The following NAA35 variants were observed in gnomAD, a reference collection of about 807,000 sequenced individuals.
NAA35 encodes the protein N-alpha-acetyltransferase 35, NatC auxiliary subunit.
Under a neutral mutation model 101.7 loss-of-function variants are expected in NAA35, and 18 were observed. The ratio of observed to expected loss-of-function variants is 0.18; its 90% CI spans 0.12 to 0.26. NAA35 has a LOEUF of 0.26. NAA35 is among the 10% of genes least tolerant of loss of function. The pLI, the probability that NAA35 is intolerant of heterozygous loss-of-function variation, is 1.00. For missense variants in NAA35, 601 were observed against 886.8 expected (o/e 0.68, Z 4.09); for synonymous variants, 267 against 273.1 (o/e 0.98, Z 0.22).
chr9:86,009,013 G>A (rs1831775780), intron 14 of NAA35, among the ~76,000 whole-genome samples: 3 of 152,048 alleles, frequency 2.0e-5, no homozygotes, highest in Non-Finnish European at 4.4e-5. Flanking sequence ...GTCTTCTAGA[G>A]CTCTCTTACC....
intron 2 of NAA35, among the ~76,000 whole-genome samples, chr9:85,944,373 C>G (rs1340224627): frequency 1.3e-5 from 2 of 152,218 alleles, no homozygotes; most frequent in Non-Finnish European, 1.5e-5. Context: ...AGAAGTTTCT[C>G]TACCAGCATA....
chr9:86,018,516 G>C, intron 20 of NAA35, 121 bp downstream of exon 20: 3 of 1,324,266 alleles, frequency 2.3e-6, no homozygotes, highest in Non-Finnish European at 3.1e-6. Flanking sequence ...AATAATATGA[G>C]GTAGCATATG....
intron 2 of NAA35, among the ~76,000 whole-genome samples, chr9:85,953,072 G>C (rs1829087466): frequency 6.6e-6 from 1 of 152,116 alleles, no homozygotes; most frequent in African/African-American, 2.4e-5. Flanking sequence ...AATTAGCCGG[G>C]CATGGTGGTT....
chr9:86,004,138 C>A (rs1231868039), intron 13 of NAA35, among the ~76,000 whole-genome samples: 1 of 152,084 alleles, frequency 6.6e-6, no homozygotes, highest in Non-Finnish European at 1.5e-5. Context: ...GATAATCTCA[C>A]TCGTTGCCCA....
intron 12 of NAA35, among the ~76,000 whole-genome samples, chr9:86,001,965 G>C (rs939778152): frequency 3.9e-5 from 6 of 152,122 alleles, no homozygotes; most frequent in African/African-American, 1.4e-4. Context: ...AGTGACACTA[G>C]TCTGTGTGTT....
rs572898429 is a variant in NAA35 at position 86,024,197 on chromosome 9, A to C, written c.*2237A>C. ...AATATGCTGTATGCTGGGTAGGAGAACTGCCCCACGTGAAACTTTAGGTGA... is the reference window on the plus strand; with the variant it reads ...AATATGCTGTATGCTGGGTAGGAGACCTGCCCCACGTGAAACTTTAGGTGA... On this transcript the variant is annotated 3_prime_UTR_variant, in exon 23 of 23. Coordinates refer to ENST00000361671, the MANE Select transcript of NAA35 (RefSeq NM_024635.4). Among the ~76,000 whole-genome samples the C allele has an allele frequency of 2.0e-5, 3 of 152,334 alleles. No individual in the cohort carries two copies. Among genetic ancestry groups the C allele is most frequent in the Non-Finnish European group, 4.4e-5 (3 of 68,030 alleles).
intron 12 of NAA35, among the ~76,000 whole-genome samples, chr9:85,996,797 A>G (rs1831180596): frequency 6.6e-6 from 1 of 152,218 alleles, no homozygotes; most frequent in African/African-American, 2.4e-5. Flanking sequence ...TTAATCCTCA[A>G]AAGCTTTTAC....
chr9:86,016,826 A>G lies in NAA35; in HGVS notation c.1705+151A>G, dbSNP rs187380236. 9.3e-4 allele frequency: 659 copies of G among 709,340 alleles called. 4 individuals are homozygous for G. Among genetic ancestry groups the G allele is most frequent in the African/African-American group, 4.2e-3 (232 of 55,778 alleles). The allele number at this position is 709,340 out of a possible 1,614,324, so 43.9% of individuals were successfully genotyped here. On this transcript the variant is annotated intron_variant, in intron 18 of 22. Coordinates refer to ENST00000361671, the MANE Select transcript of NAA35 (RefSeq NM_024635.4). ...AGGTAGAGACTGAGTCCCAGTATCA[A>G]TGACATAAGCTTTTTGGTTCCTTTC... is the stretch of plus-strand genomic sequence containing the variant.
chr9:85,974,882 G>T, intron 6 of NAA35, 85 bp from the exon 7 acceptor site: 1 of 914,022 alleles, frequency 1.1e-6, no homozygotes, highest in South Asian at 1.5e-5. Flanking sequence ...GATTTTGTAA[G>T]AGAAATATAA....
At chr9:85,988,778 A>G (rs1321096923) in intron 11 of NAA35, among the ~76,000 whole-genome samples, 1 of 152,046 alleles carries the variant, frequency 6.6e-6, no homozygotes, top group Non-Finnish European at 1.5e-5. Context: ...TCTGGGCAAC[A>G]AGAGTGAAAC....
In NAA35 at chr9:86,024,815, A is replaced by G. The variant is rs182023415; in HGVS notation, c.*2855A>G. ...TGAAGATGGCAGGTAGTTTGGTCTCAAACTGGGAGGTGCCATCTGGGGTGG... is the reference window on the plus strand; with the variant it reads ...TGAAGATGGCAGGTAGTTTGGTCTCGAACTGGGAGGTGCCATCTGGGGTGG... On this transcript the variant is annotated 3_prime_UTR_variant, in exon 23 of 23. Coordinates refer to ENST00000361671, the MANE Select transcript of NAA35 (RefSeq NM_024635.4). Among the ~76,000 whole-genome samples the G allele has an allele frequency of 2.9e-3, 436 of 152,254 alleles. 5 individuals carry two copies. In the South Asian group the frequency reaches 0.033, roughly 12 times the overall value.
intron 11 of NAA35, among the ~76,000 whole-genome samples, chr9:85,995,672 T>C (rs1831123425): frequency 6.6e-6 from 1 of 152,208 alleles, no homozygotes; most frequent in East Asian, 1.9e-4. Flanking sequence ...GTTTGTAGAC[T>C]AGCAGGAGAA....
In NAA35 at chr9:86,025,033, T is replaced by G. The variant is rs538521866; in HGVS notation, c.*3073T>G. Among the ~76,000 whole-genome samples the G allele has an allele frequency of 5.8e-4, 88 of 152,298 alleles. No homozygotes were observed. Among genetic ancestry groups the G allele is most frequent in the Admixed American group, 5.4e-3 (83 of 15,300 alleles). On this transcript the variant is annotated 3_prime_UTR_variant, in exon 23 of 23. Coordinates refer to ENST00000361671, the MANE Select transcript of NAA35 (RefSeq NM_024635.4). ...ACCTCAAAATCATACGAGGCCACTC[T>G]TTGACAAGTGTGCCTGTTTCACCGT...
At chr9:86,019,664 TG>T (rs1381759667) in intron 21 of NAA35, among the ~76,000 whole-genome samples, 1 of 152,246 alleles carries the variant, frequency 6.6e-6, no homozygotes, top group Non-Finnish European at 1.5e-5. Context: ...CTAATTTTAT[TG>T]AAATACATTT....
At chr9:85,946,536 C>T (rs1469175251) in intron 2 of NAA35, among the ~76,000 whole-genome samples, 3 of 152,182 alleles carry the variant, frequency 2.0e-5, no homozygotes, top group Admixed American at 6.5e-5. Flanking sequence ...CCCAATCTTT[C>T]ATTCCATTTT....
intron 8 of NAA35, among the ~76,000 whole-genome samples, chr9:85,976,011 T>C (rs1372156418): frequency 6.6e-6 from 1 of 152,214 alleles, no homozygotes; most frequent in Non-Finnish European, 1.5e-5. Context: ...AAACTTCATA[T>C]TCTCTTTTTT....
At chr9:85,960,050 A>T (rs376053803) in intron 5 of NAA35, among the ~76,000 whole-genome samples, 183 bp downstream of exon 5, 1 of 152,218 alleles carries the variant, frequency 6.6e-6, no homozygotes, top group African/African-American at 2.4e-5. Context: ...TTGATTTTAC[A>T]TTCTAATTTT....
intron 11 of NAA35, among the ~76,000 whole-genome samples, chr9:85,989,071 A>G (rs1326547884): frequency 3.9e-5 from 6 of 152,210 alleles, no homozygotes; most frequent in African/African-American, 1.2e-4. Flanking sequence ...AGTAAAATAG[A>G]GCCTAGTAAA....
chr9:85,978,146 T>C (rs181653989), intron 10 of NAA35, 121 bp from the exon 11 acceptor site: 1 of 663,430 alleles, frequency 1.5e-6, no homozygotes. Context: ...GCATAGTTTA[T>C]GAAAACCAAT....
Sources: gnomAD v4.1 joint callset for allele counts (sites outside exome capture counted in the v4.1 genomes callset) on GRCh38, gnomAD v4.1.1 for gene constraint, MANE v1.5 for transcripts, NCBI Gene and HGNC (gene_info 2026-07-23, HGNC 2026-07-21) for gene names.